CHRM3: variants seen among roughly 807,000 people sequenced by gnomAD.
The protein encoded by CHRM3 is cholinergic receptor muscarinic 3.
CHRM3 carries 11 observed loss-of-function variants against 41.8 expected under a neutral mutation model. That is an observed-to-expected ratio of 0.26 (90% CI 0.17 to 0.44). The LOEUF (loss-of-function observed/expected upper bound fraction) is 0.44. CHRM3 is among the 20% of genes least tolerant of loss of function. The probability of loss-of-function intolerance (pLI) is 1.00; values close to 1 mark genes in which losing one functional copy is unlikely to be tolerated. For missense variants in CHRM3, 571 were observed against 745.4 expected, an observed-to-expected ratio of 0.77 and a Z score of 2.72; for synonymous variants, 297 against 301.4, an observed-to-expected ratio of 0.99 and a Z score of 0.15.
chr1:239,913,576 T>C lies in CHRM3; in HGVS notation c.*4352T>C, dbSNP rs916619701. ...CCCAGCATTAATGTGTGAGTCAACA[T>C]TGCAGACCTGAGAAAGGTTTCTAGA... On this transcript the variant is annotated 3_prime_UTR_variant, in exon 7 of 7. Transcript: ENST00000676153. 1.2e-5 allele frequency: 2 copies of C among 167,050 alleles called. No individual in the cohort carries two copies. Among genetic ancestry groups the C allele is most frequent in the African/African-American group, 4.8e-5 (2 of 41,472 alleles). The allele number at this position is 167,050 out of a possible 1,614,324, so 10.3% of individuals were successfully genotyped here.
intron 6 of CHRM3, chr1:239,899,900 C>G (rs1679377977): frequency 6.6e-6 from 1 of 150,824 alleles, no homozygotes; most frequent in Non-Finnish European, 1.5e-5. Context: ...GAGCCAGGCA[C>G]CTGCCCCTGG....
intron 1 of CHRM3, among the ~76,000 whole-genome samples, chr1:239,460,041 G>A (rs912911818): frequency 1.3e-5 from 2 of 152,166 alleles, no homozygotes; most frequent in African/African-American, 4.8e-5. Context: ...GACACAGAAT[G>A]GTTGTGTAAC....
chr1:239,538,489 G>A (rs1409275517), intron 2 of CHRM3, among the ~76,000 whole-genome samples: 1 of 152,158 alleles, frequency 6.6e-6, no homozygotes, highest in Non-Finnish European at 1.5e-5. Context: ...CCAAAGGGCT[G>A]TTTCAACCCA....
rs568863929 is a variant in CHRM3, at chr1:239,471,675, C to A, written c.-520-21034C>A. ...CACTGAGGAGGTCTCAGCAGAGCCA[C>A]CTGAAGAGGATCTCTGCCCAAGGCC... On this transcript the variant is annotated intron_variant, in intron 1 of 6. Coordinates refer to ENST00000676153, the MANE Select transcript of CHRM3 (RefSeq NM_001375978.1). Among the ~76,000 whole-genome samples the A allele has an allele frequency of 5.3e-5, 8 of 152,274 alleles. No homozygotes were observed. The South Asian group carries it at 8.3e-4, about 16-fold the overall frequency.
At chr1:239,733,403 G>A (rs1156858442) in intron 5 of CHRM3, among the ~76,000 whole-genome samples, 7 of 151,978 alleles carry the variant, frequency 4.6e-5, no homozygotes, top group Non-Finnish European at 8.8e-5. Flanking sequence ...TGAACGAAGG[G>A]AGATAATTGA....
chr1:239,841,961 CT>C (rs1673832844), intron 6 of CHRM3, among the ~76,000 whole-genome samples: 2 of 152,222 alleles, frequency 1.3e-5, no homozygotes, highest in Non-Finnish European at 2.9e-5. Context: ...AGGTTCTAGG[CT>C]GGTGTAGGGG....
chr1:239,813,552 C>T (rs949398700), intron 5 of CHRM3, among the ~76,000 whole-genome samples: 1 of 152,104 alleles, frequency 6.6e-6, no homozygotes, highest in Non-Finnish European at 1.5e-5. Flanking sequence ...ATATCTTCTA[C>T]TCCCCTAGTC....
intron 1 of CHRM3, among the ~76,000 whole-genome samples, chr1:239,413,738 TC>T (rs1265484330): frequency 6.6e-6 from 1 of 152,198 alleles, no homozygotes; most frequent in African/African-American, 2.4e-5. Flanking sequence ...AGGCTCAAGA[TC>T]AGATGGATTT....
chr1:239,431,022 C>A (rs1439985096), intron 1 of CHRM3, among the ~76,000 whole-genome samples: 1 of 152,058 alleles, frequency 6.6e-6, no homozygotes, highest in Non-Finnish European at 1.5e-5. Flanking sequence ...TTAAACTAAT[C>A]TCTGTGCCCC....
chr1:239,786,805 G>A (rs1379596619), intron 5 of CHRM3, among the ~76,000 whole-genome samples: 1 of 152,206 alleles, frequency 6.6e-6, no homozygotes, highest in African/African-American at 2.4e-5. Context: ...TGTGCATAGT[G>A]GAAGTCAGGG....
intron 3 of CHRM3, among the ~76,000 whole-genome samples, chr1:239,612,123 G>T (rs1304651603): frequency 6.6e-6 from 1 of 152,140 alleles, no homozygotes; most frequent in Non-Finnish European, 1.5e-5. Context: ...AGAGATGGAA[G>T]CACCACGCCT....
chr1:239,461,738 C>G (rs1056779526), intron 1 of CHRM3, among the ~76,000 whole-genome samples: 9 of 152,076 alleles, frequency 5.9e-5, no homozygotes, highest in Non-Finnish European at 1.5e-5. Flanking sequence ...ATGTCATCTT[C>G]TATCCCCATT....
chr1:239,639,174 G>A (rs1429234232), intron 4 of CHRM3, among the ~76,000 whole-genome samples: 3 of 152,062 alleles, frequency 2.0e-5, no homozygotes, highest in East Asian at 1.9e-4. Flanking sequence ...TAGCCTTGTA[G>A]TATAGTTTGA....
intron 5 of CHRM3, among the ~76,000 whole-genome samples, chr1:239,741,889 A>C (rs12059584): frequency 0.04 from 6,104 of 152,268 alleles, 206 homozygotes; most frequent in African/African-American, 0.078. Flanking sequence ...TTGTCCATCA[A>C]CCTCATTTCT....
chr1:239,403,072 CA>C (rs1187479573), intron 1 of CHRM3, among the ~76,000 whole-genome samples: 3 of 152,256 alleles, frequency 2.0e-5, no homozygotes, highest in African/African-American at 7.2e-5. Flanking sequence ...ATGTTATTCT[CA>C]CATCTATTAT....
chr1:239,662,836 T>TCTTCTTCTTCCTCTTCCTTCTC (rs1352499511), intron 4 of CHRM3, among the ~76,000 whole-genome samples: 1 of 146,550 alleles, frequency 6.8e-6, no homozygotes, highest in Non-Finnish European at 1.5e-5. Context: ...TTCCTCCTCC[T>TCTTCTTCTTCCTCTTCCTTCTC]CTTCTTCTTC....
chr1:239,888,778 T>C (rs949281323), intron 6 of CHRM3, among the ~76,000 whole-genome samples: 1 of 152,078 alleles, frequency 6.6e-6, no homozygotes, highest in Non-Finnish European at 1.5e-5. Flanking sequence ...GTTTGCTAAT[T>C]GGCCAGTGTT....
chr1:239,797,217 G>A (rs934628502), intron 5 of CHRM3, among the ~76,000 whole-genome samples: 1 of 152,144 alleles, frequency 6.6e-6, no homozygotes, highest in African/African-American at 2.4e-5. Context: ...GAGGAAAGGA[G>A]GGGGCAAGGG....
intron 1 of CHRM3, among the ~76,000 whole-genome samples, chr1:239,413,769 G>A (rs111943546): frequency 5.4e-4 from 83 of 152,322 alleles, no homozygotes; most frequent in African/African-American, 1.9e-3. Flanking sequence ...TGAAAAGTTA[G>A]CATAGTTCTG....
Sources: gnomAD v4.1 joint callset for allele counts (sites outside exome capture counted in the v4.1 genomes callset) on GRCh38, gnomAD v4.1.1 for gene constraint, MANE v1.5 for transcripts, NCBI Gene and HGNC (gene_info 2026-07-23, HGNC 2026-07-21) for gene names.